The following SLC38A6 variants were observed in gnomAD, a reference collection of about 807,000 sequenced individuals.
SLC38A6 encodes the protein solute carrier family 38 member 6.
Under a neutral mutation model 65.0 loss-of-function variants are expected in SLC38A6, and 73 were observed. That is an observed-to-expected ratio of 1.12 (90% CI 0.93 to 1.37). SLC38A6 has a LOEUF of 1.37. Ranked by LOEUF, SLC38A6 falls within the 40% of genes most tolerant of loss-of-function variation. The pLI is 0.00. For synonymous variants in SLC38A6, 183 were observed against 178.8 expected (o/e 1.02, Z -0.19); for missense variants, 561 against 531.1 (o/e 1.06, Z -0.55).
chr14:61,082,215 C>T (rs2043685181), intron 16 of SLC38A6, among the ~76,000 whole-genome samples: 1 of 152,172 alleles, frequency 6.6e-6, no homozygotes, highest in Non-Finnish European at 1.5e-5. Context: ...GGATAACCAC[C>T]CCATCCCCTG....
chr14:61,000,443 C>G (rs2139370408), intron 3 of SLC38A6, among the ~76,000 whole-genome samples: 1 of 152,314 alleles, frequency 6.6e-6, no homozygotes, highest in African/African-American at 2.4e-5. Context: ...GTAGCCTGCC[C>G]AACATGGCGA....
At chr14:61,010,934 C>T (rs2039513292) in intron 3 of SLC38A6, among the ~76,000 whole-genome samples, 1 of 152,132 alleles carries the variant, frequency 6.6e-6, no homozygotes, top group African/African-American at 2.4e-5. Flanking sequence ...TCATTGGTAG[C>T]TCGTTGGGGA....
intron 3 of SLC38A6, among the ~76,000 whole-genome samples, chr14:60,990,606 G>A (rs7156501): frequency 0.93 from 141,760 of 152,196 alleles, 66,414 homozygotes; most frequent in Non-Finnish European, 0.99. Context: ...TGCATGTTCA[G>A]TCCATGCCAT....
intron 3 of SLC38A6, among the ~76,000 whole-genome samples, chr14:61,009,046 A>G (rs1048278372): frequency 6.6e-6 from 1 of 152,208 alleles, no homozygotes; most frequent in Non-Finnish European, 1.5e-5. Context: ...AGAGGACTCT[A>G]TTCTTACAGA....
intron 3 of SLC38A6, among the ~76,000 whole-genome samples, chr14:61,006,252 G>C (rs201461370): frequency 1.2e-4 from 18 of 152,076 alleles, no homozygotes; most frequent in African/African-American, 4.1e-4. Context: ...CATTACCATT[G>C]AGGACATAGG....
At chr14:61,021,939 T>G (rs2040364301) in intron 5 of SLC38A6, among the ~76,000 whole-genome samples, 1 of 152,174 alleles carries the variant, frequency 6.6e-6, no homozygotes, top group Non-Finnish European at 1.5e-5. Flanking sequence ...TTGAATTCTG[T>G]CTACTCCAGT....
intron 15 of SLC38A6, among the ~76,000 whole-genome samples, chr14:61,072,202 A>G (rs2139967106): frequency 6.6e-6 from 1 of 152,256 alleles, no homozygotes; most frequent in South Asian, 2.1e-4. Flanking sequence ...CCGCTTCCAA[A>G]GGCACTTTTA....
chr14:61,081,013 G>T (rs536752550), intron 16 of SLC38A6, among the ~76,000 whole-genome samples: 1 of 152,134 alleles, frequency 6.6e-6, no homozygotes, highest in Non-Finnish European at 1.5e-5. Context: ...CTTGGATTTC[G>T]GTTTTCTGGC....
chr14:61,061,148 C>G (rs927012592), intron 15 of SLC38A6, among the ~76,000 whole-genome samples: 9 of 152,262 alleles, frequency 5.9e-5, no homozygotes, highest in African/African-American at 1.2e-4. Flanking sequence ...GCTCCTCCCC[C>G]AAGTGTTGAA....
chr14:61,038,635 A>T (rs1404707799), intron 8 of SLC38A6, among the ~76,000 whole-genome samples: 1 of 152,208 alleles, frequency 6.6e-6, no homozygotes, highest in East Asian at 1.9e-4. Flanking sequence ...AAAACAACCT[A>T]GGGTGCATTT....
chr14:61,026,869 A>G (rs545667070), intron 5 of SLC38A6, among the ~76,000 whole-genome samples: 1 of 152,232 alleles, frequency 6.6e-6, no homozygotes, highest in South Asian at 2.1e-4. Context: ...ACTACCAAGC[A>G]TACAGTAGGC....
intron 5 of SLC38A6, among the ~76,000 whole-genome samples, chr14:61,025,337 G>T (rs2040547126): frequency 6.6e-6 from 1 of 152,082 alleles, no homozygotes; most frequent in South Asian, 2.1e-4. Context: ...TTTTTGGTAG[G>T]CTAGTAAAGT....
At chr14:60,991,358 G>A (rs1422247990) in intron 3 of SLC38A6, among the ~76,000 whole-genome samples, 1 of 151,984 alleles carries the variant, frequency 6.6e-6, no homozygotes, top group East Asian at 1.9e-4. Flanking sequence ...TCATTCTAAG[G>A]ACTTTATGAA....
chr14:61,019,489 C>A, intron 4 of SLC38A6, 52 bp from the exon 5 acceptor site: 2 of 1,558,848 alleles, frequency 1.3e-6, no homozygotes, highest in South Asian at 2.3e-5. Context: ...AAATACTGAT[C>A]CTTTTATATT....
intron 11 of SLC38A6, among the ~76,000 whole-genome samples, 180 bp from the exon 12 acceptor site, chr14:61,045,887 A>T (rs79315972): frequency 6.8e-6 from 1 of 147,556 alleles, no homozygotes; most frequent in Admixed American, 6.8e-5. Context: ...CTCTGTCTCA[A>T]AAAAAAAAAA....
At chr14:61,078,713 T>C (rs1465238424) in intron 15 of SLC38A6, 1 of 160,138 alleles carries the variant, frequency 6.2e-6, no homozygotes, top group Non-Finnish European at 1.3e-5. Flanking sequence ...CCTCAGATCC[T>C]ATTAAGACCT....
At chr14:60,983,107 G>T (rs2037184984) in intron 2 of SLC38A6, among the ~76,000 whole-genome samples, 1 of 152,126 alleles carries the variant, frequency 6.6e-6, no homozygotes, top group Non-Finnish European at 1.5e-5. Flanking sequence ...GACTTAGCTT[G>T]TAGGCCAGTT....
At chr14:61,047,998 C>G (rs565642246) in intron 12 of SLC38A6, among the ~76,000 whole-genome samples, 5 of 149,042 alleles carry the variant, frequency 3.4e-5, no homozygotes, top group African/African-American at 7.7e-5. Context: ...TACATACATA[C>G]ATACATACAT....
chr14:61,000,698 T>C (rs1029895354), intron 3 of SLC38A6, among the ~76,000 whole-genome samples: 1 of 152,222 alleles, frequency 6.6e-6, no homozygotes, highest in Non-Finnish European at 1.5e-5. Context: ...CATGACGTAC[T>C]GGACACTGAC....
Sources: gnomAD v4.1 joint callset for allele counts (sites outside exome capture counted in the v4.1 genomes callset) on GRCh38, gnomAD v4.1.1 for gene constraint, MANE v1.5 for transcripts, NCBI Gene and HGNC (gene_info 2026-07-23, HGNC 2026-07-21) for gene names.